Variants in CSMD1 observed in about 807,000 individuals in gnomAD.
CSMD1 encodes the protein CUB and Sushi multiple domains 1.
A neutral mutation model predicts 417.5 loss-of-function variants in CSMD1; 213 were observed. The ratio of observed to expected loss-of-function variants is 0.51; its 90% CI spans 0.46 to 0.57. The LOEUF (loss-of-function observed/expected upper bound fraction) is 0.57. Among genes scored for constraint, CSMD1 ranks in the 20% least tolerant of loss-of-function variants. The pLI is 0.00. For synonymous variants in CSMD1, 2,862 were observed against 1,736.8 expected (o/e 1.65, Z -16.11); for missense variants, 6,923 against 4,529.7 (o/e 1.53, Z -15.17).
At chr8:4,175,829 G>A (rs114354665) in intron 3 of CSMD1, among the ~76,000 whole-genome samples, 3 of 152,170 alleles carry the variant, frequency 2.0e-5, no homozygotes, top group Non-Finnish European at 4.4e-5. Flanking sequence ...AGTATGCAGA[G>A]TGAAAGTAAC....
intron 11 of CSMD1, among the ~76,000 whole-genome samples, chr8:3,474,033 T>A (rs1037528652): frequency 6.6e-6 from 1 of 151,856 alleles, no homozygotes; most frequent in East Asian, 1.9e-4. Context: ...GCCCCCATGA[T>A]CCAAACACCT....
chr8:3,350,853 TTTAA>T (rs2117656989), intron 21 of CSMD1, among the ~76,000 whole-genome samples: 1 of 146,850 alleles, frequency 6.8e-6, no homozygotes, highest in East Asian at 2.0e-4. Context: ...TGGGATTTTT[TTTAA>T]AAAAAGCAGA....
intron 1 of CSMD1, among the ~76,000 whole-genome samples, chr8:4,915,589 C>T (rs925413879): frequency 2.0e-5 from 3 of 152,190 alleles, no homozygotes; most frequent in South Asian, 2.1e-4. Flanking sequence ...GCAGGGACAG[C>T]TGGGGGACTG....
chr8:4,027,254 A>T (rs1306314607), intron 4 of CSMD1, among the ~76,000 whole-genome samples: 2 of 152,184 alleles, frequency 1.3e-5, no homozygotes, highest in African/African-American at 4.8e-5. Flanking sequence ...TTGGCTGATA[A>T]AAGAAATGTT....
At chr8:4,416,179 T>C (rs895857334) in intron 3 of CSMD1, among the ~76,000 whole-genome samples, 3 of 152,206 alleles carry the variant, frequency 2.0e-5, no homozygotes, top group Non-Finnish European at 4.4e-5. Flanking sequence ...AGTTAATAAA[T>C]ACCGGAGTCA....
At chr8:3,998,773 A>C (rs1325067322) in intron 4 of CSMD1, among the ~76,000 whole-genome samples, 1 of 151,828 alleles carries the variant, frequency 6.6e-6, no homozygotes, top group Non-Finnish European at 1.5e-5. Flanking sequence ...TTAGAAAGGA[A>C]ACAGATCTTG....
At chr8:3,128,834 C>T (rs1320243996) in intron 41 of CSMD1, 6 of 449,592 alleles carry the variant, frequency 1.3e-5, no homozygotes, top group East Asian at 7.0e-5. Flanking sequence ...CCTTTCTTCT[C>T]CTTGACATCT....
chr8:3,107,516 G>C (rs75508380), intron 45 of CSMD1, among the ~76,000 whole-genome samples: 1,903 of 152,274 alleles, frequency 0.012, 36 homozygotes, highest in African/African-American at 0.041. Flanking sequence ...TCATGGTAAT[G>C]AAGAGGGACA....
chr8:4,162,421 T>A (rs1318179530), intron 3 of CSMD1, among the ~76,000 whole-genome samples: 1 of 152,184 alleles, frequency 6.6e-6, no homozygotes, highest in Non-Finnish European at 1.5e-5. Context: ...ATAGTGTAAC[T>A]GATAAAATAA....
intron 3 of CSMD1, among the ~76,000 whole-genome samples, chr8:4,085,623 C>T (rs1800378876): frequency 6.6e-6 from 1 of 152,068 alleles, no homozygotes; most frequent in Admixed American, 6.5e-5. Context: ...CTCACGGGAA[C>T]TGTGCTAAGT....
At chr8:3,480,092 C>G (rs1180598619) in intron 11 of CSMD1, among the ~76,000 whole-genome samples, 1 of 152,140 alleles carries the variant, frequency 6.6e-6, no homozygotes, top group East Asian at 1.9e-4. Context: ...GGAGTGGTGA[C>G]TCACATCTGT....
chr8:4,311,573 C>A (rs6995791), intron 3 of CSMD1, among the ~76,000 whole-genome samples: 95,720 of 151,580 alleles, frequency 0.63, 31,351 homozygotes, highest in African/African-American at 0.76. Flanking sequence ...AAATATAAAA[C>A]TGAGCCAGGT....
intron 1 of CSMD1, among the ~76,000 whole-genome samples, chr8:4,771,860 G>A (rs967128146): frequency 6.6e-6 from 1 of 152,116 alleles, no homozygotes; most frequent in African/African-American, 2.4e-5. Flanking sequence ...ATCCACGAGG[G>A]AGTCTGTGCT....
chr8:4,333,869 C>G (rs925608303), intron 3 of CSMD1, among the ~76,000 whole-genome samples: 4 of 151,992 alleles, frequency 2.6e-5, no homozygotes, highest in African/African-American at 9.7e-5. Context: ...CATGGGGATT[C>G]TAATACAATT....
intron 5 of CSMD1, among the ~76,000 whole-genome samples, chr8:3,862,321 C>G (rs1026946808): frequency 6.6e-6 from 1 of 152,316 alleles, no homozygotes; most frequent in Non-Finnish European, 1.5e-5. Flanking sequence ...GTCATCTGCC[C>G]AAGGGCGTCC....
chr8:3,789,776 G>A (rs1401623780), intron 5 of CSMD1, among the ~76,000 whole-genome samples: 2 of 141,802 alleles, frequency 1.4e-5, no homozygotes, highest in African/African-American at 5.3e-5. Flanking sequence ...TGTCTCCGAG[G>A]CTGGAGTGCA....
At chr8:4,841,911 CAAAAAAAAAAAAAAAAAA>C (rs397757527) in intron 1 of CSMD1, among the ~76,000 whole-genome samples, 1 of 34,830 alleles carries the variant, frequency 2.9e-5, no homozygotes, top group Non-Finnish European at 4.3e-5. Flanking sequence ...AACTCCGTCT[CAAAAAAAAAAAAAAAAAA>C]AAAAAAAAAG....
chr8:4,905,657 A>C (rs1805201437), intron 1 of CSMD1, among the ~76,000 whole-genome samples: 1 of 151,436 alleles, frequency 6.6e-6, no homozygotes, highest in African/African-American at 2.4e-5. Flanking sequence ...GTCTCTACTA[A>C]AACTACAAAA....
At chr8:4,472,805 A>G (rs1301060910) in intron 2 of CSMD1, among the ~76,000 whole-genome samples, 1 of 151,990 alleles carries the variant, frequency 6.6e-6, no homozygotes, top group Non-Finnish European at 1.5e-5. Context: ...TTGATCTTAG[A>G]TACTTAAAAA....
Sources: gnomAD v4.1 joint callset for allele counts (sites outside exome capture counted in the v4.1 genomes callset) on GRCh38, gnomAD v4.1.1 for gene constraint, MANE v1.5 for transcripts, NCBI Gene and HGNC (gene_info 2026-07-23, HGNC 2026-07-21) for gene names.